MEI1: variants seen among roughly 807,000 people sequenced by gnomAD.
MEI1 encodes the protein meiosis inhibitor protein 1.
In MEI1, 103 loss-of-function variants were observed where a neutral mutation model predicts 146.2. That is an observed-to-expected ratio of 0.70 (90% confidence interval 0.60 to 0.83). MEI1 has a LOEUF of 0.83. MEI1 is among the 40% of genes least tolerant of loss of function. The pLI, the probability that MEI1 is intolerant of heterozygous loss-of-function variation, is 0.00. For synonymous variants in MEI1, 652 were observed against 628.2 expected (o/e 1.04, Z -0.57); for missense variants, 1,529 against 1,533.0 (o/e 1.00, Z 0.04).
chr22:41,732,446 G>T, intron 10 of MEI1, 23 bp from the exon 11 acceptor site: 1 of 1,613,640 alleles, frequency 6.2e-7, no homozygotes, highest in African/African-American at 1.3e-5. Flanking sequence ...TCACCTACTC[G>T]TTTCTCATCT....
At chr22:41,745,253 C>G (rs1044108729) in intron 13 of MEI1, among the ~76,000 whole-genome samples, 189 bp downstream of exon 13, 1 of 152,046 alleles carries the variant, frequency 6.6e-6, no homozygotes, top group African/African-American at 2.4e-5. Flanking sequence ...AGGGGTAGGA[C>G]CTTTCTAAAG....
rs1476524155 is a variant in MEI1, at chr22:41,781,681, A to G, written c.2927-4A>G. ...GTGGGCCCTGCCTTGCCCACCCCCG[A>G]CAGCTGCTGCAGTGCTCCTGAGCAG... On this transcript the variant is annotated splice_polypyrimidine_tract_variant and splice_region_variant and intron_variant, in intron 23 of 30. Transcript: ENST00000401548. 1.2e-6 allele frequency: 2 copies of G among 1,612,148 alleles called. No individual in the cohort carries two copies. The highest frequency in any genetic ancestry group is 1.3e-5 in the African/African-American group (1 of 74,886).
chr22:41,729,237 A>G (rs2071642546), intron 7 of MEI1, among the ~76,000 whole-genome samples: 1 of 150,732 alleles, frequency 6.6e-6, no homozygotes, highest in Admixed American at 6.6e-5. Flanking sequence ...GGAGGCTGAA[A>G]TGAGAAGATC....
At chr22:41,716,355 CTTTTTTTTTTTTTTTTTTTTTT>C (rs6147630) in intron 5 of MEI1, among the ~76,000 whole-genome samples, 1 of 118,582 alleles carries the variant, frequency 8.4e-6, no homozygotes, top group Non-Finnish European at 1.7e-5. Flanking sequence ...TCCATTCATT[CTTTTTTTTTTTTTTTTTTTTTT>C]TTTTTTTTTT....
At chr22:41,722,026 T>C (rs2070888432) in intron 6 of MEI1, 2 of 151,022 alleles carry the variant, frequency 1.3e-5, no homozygotes, top group Non-Finnish European at 3.0e-5. Context: ...GCCTCTTTTT[T>C]TTTTTTTTTA....
intron 6 of MEI1, among the ~76,000 whole-genome samples, chr22:41,722,724 G>T (rs539855856): frequency 6.6e-6 from 1 of 152,082 alleles, no homozygotes; most frequent in Admixed American, 6.6e-5. Context: ...TCTTATAGAA[G>T]CCTTCCCTGG....
chr22:41,702,358 C>G (rs1288551373), intron 1 of MEI1, among the ~76,000 whole-genome samples: 1 of 151,998 alleles, frequency 6.6e-6, no homozygotes, highest in Admixed American at 6.6e-5. Flanking sequence ...CCAGGCTGGT[C>G]TCGAATGCCT....
chr22:41,699,582 G>A lies in MEI1; in HGVS notation c.44G>A (p.Arg15Lys). The change falls in exon 1 of 31, where the codon AGG becomes AAG. Residue 15 changes from arginine to lysine, a missense_variant. Physicochemically the swap from Arg to Lys is conservative, Grantham distance 26 (BLOSUM62 2). Coordinates refer to ENST00000401548, the MANE Select transcript of MEI1 (RefSeq NM_152513.4). The stretch of plus-strand genomic sequence containing the variant: ...GCGACGGCGGGCACTCCCGGGCCCA[G>A]GAGAGAGGAAGAGGCGGCGCTTCTA... ...QAATAGTPGP[R>K]REEEAALLFE... 6.2e-7 allele frequency: 1 copy of A among 1,612,904 alleles called. No individual in the cohort carries two copies. Among genetic ancestry groups the A allele is most frequent in the Non-Finnish European group, 8.5e-7 (1 of 1,179,488 alleles).
At chr22:41,717,082 C>G (rs942359713) in intron 5 of MEI1, among the ~76,000 whole-genome samples, 1 of 151,416 alleles carries the variant, frequency 6.6e-6, no homozygotes, top group Non-Finnish European at 1.5e-5. Flanking sequence ...GCACTTTTTT[C>G]TGTCAGTGAA....
intron 7 of MEI1, among the ~76,000 whole-genome samples, chr22:41,726,158 A>T (rs1268898969): frequency 6.6e-6 from 1 of 152,158 alleles, no homozygotes; most frequent in African/African-American, 2.4e-5. Context: ...CACACCTGTA[A>T]TCCCAGCTAT....
chr22:41,750,109 C>A (rs1302294864), intron 15 of MEI1, among the ~76,000 whole-genome samples: 5 of 152,172 alleles, frequency 3.3e-5, no homozygotes. Context: ...GGCTGGAGAT[C>A]TAGCAGTGAA....
intron 6 of MEI1, among the ~76,000 whole-genome samples, chr22:41,722,439 A>G (rs2070942230): frequency 6.6e-6 from 1 of 150,954 alleles, no homozygotes; most frequent in Admixed American, 6.6e-5. Flanking sequence ...CTGGTATTAC[A>G]GGTGCACGCC....
intron 16 of MEI1, among the ~76,000 whole-genome samples, chr22:41,753,105 G>A (rs1177357188): frequency 2.6e-5 from 4 of 151,214 alleles, no homozygotes; most frequent in South Asian, 2.1e-4. Context: ...TGCAACAACC[G>A]CCTCCTGGGT....
chr22:41,738,518 C>T (rs541276076), intron 11 of MEI1, among the ~76,000 whole-genome samples: 44 of 151,644 alleles, frequency 2.9e-4, no homozygotes, highest in African/African-American at 9.0e-4. Flanking sequence ...ACCTGGGAGG[C>T]GGAGGTTGCA....
At chr22:41,779,565 T>C (rs1336705066) in intron 22 of MEI1, among the ~76,000 whole-genome samples, 1 of 152,194 alleles carries the variant, frequency 6.6e-6, no homozygotes, top group African/African-American at 2.4e-5. Context: ...CTTAGGTTCC[T>C]CATAGGTAAA....
rs140926503 is a variant in MEI1 at position 41,712,672 on chromosome 22, ATGTGTG to A, written c.350-1305_350-1300del. ...TTTAAGTATATTTAAATAGAAATAG[ATGTGTG>A]TGTGTGTGTGTGTGTGTGTGTGTGG... is the stretch of plus-strand genomic sequence containing the variant. On this transcript the variant is annotated intron_variant, in intron 3 of 30. Transcript: ENST00000401548. 2.6e-4 allele frequency among the ~76,000 whole-genome samples: 38 copies of A among 147,090 alleles called. 1 individual carries two copies. Among genetic ancestry groups the A allele is most frequent in the East Asian group, 1.4e-3 (7 of 5,062 alleles).
rs896233517 is a variant in MEI1 at position 41,781,318 on chromosome 22, C to T, written c.2850C>T (p.Asp950=). ...TGTGTGGGAAGTGCAGCCCCACTGACGTGGACATCCTGCAGCCCTCCTTCA... is the reference window on the plus strand; with the variant it reads ...TGTGTGGGAAGTGCAGCCCCACTGATGTGGACATCCTGCAGCCCTCCTTCA... The part of the protein sequence containing the change: ...SKLCGKCSPT[D]VDILQPSFNF... Residue 950 remains aspartate (D), a synonymous_variant, in exon 23 of 31, where the codon GAC becomes GAT. Transcript: ENST00000401548. 20 of 1,613,174 alleles carry T rather than the reference C, an allele frequency of 1.2e-5. No homozygotes were observed. Among genetic ancestry groups the T allele is most frequent in the African/African-American group, 1.2e-4 (9 of 74,918 alleles).
chr22:41,709,079 C>G, intron 3 of MEI1: 1 of 546,830 alleles, frequency 1.8e-6, no homozygotes, highest in East Asian at 3.5e-5. Context: ...ATGCCCCTTC[C>G]CCAAAATATA....
intron 7 of MEI1, among the ~76,000 whole-genome samples, chr22:41,728,168 T>C (rs1420537692): frequency 1.3e-5 from 2 of 152,156 alleles, no homozygotes; most frequent in Non-Finnish European, 2.9e-5. Flanking sequence ...AGGCCACATA[T>C]AAGTAGAACC....
Sources: gnomAD v4.1 joint callset for allele counts (sites outside exome capture counted in the v4.1 genomes callset) on GRCh38, gnomAD v4.1.1 for gene constraint, MANE v1.5 for transcripts, NCBI Gene and HGNC (gene_info 2026-07-23, HGNC 2026-07-21) for gene names.